TBP: variants seen among roughly 807,000 people sequenced by gnomAD.
TBP encodes TATA-box binding protein.
In TBP, 12 loss-of-function variants were observed where a neutral mutation model predicts 46.2. The ratio of observed to expected loss-of-function variants is 0.26; its 90% CI spans 0.17 to 0.42. TBP has a LOEUF of 0.42. Among genes scored for constraint, TBP ranks in the 10% least tolerant of loss-of-function variants. The probability of loss-of-function intolerance (pLI) is 1.00; values close to 1 mark genes in which losing one functional copy is unlikely to be tolerated. For missense variants in TBP, 229 were observed against 403.1 expected, an observed-to-expected ratio of 0.57 and a Z score of 3.70; for synonymous variants, 157 against 148.3, an observed-to-expected ratio of 1.06 and a Z score of -0.42.
chr6:170,564,655 T>TC, intron 4 of TBP, 23 bp downstream of exon 4: 1 of 1,535,914 alleles, frequency 6.5e-7, no homozygotes, highest in Non-Finnish European at 8.9e-7. Flanking sequence ...TTAATGTATT[T>TC]CTTTTTTTTT....
intron 5 of TBP, among the ~76,000 whole-genome samples, chr6:170,568,748 C>T (rs1334953956): frequency 7.7e-5 from 9 of 117,290 alleles, no homozygotes; most frequent in Non-Finnish European, 1.1e-4. Flanking sequence ...CCACCGTGCC[C>T]GACCTGCCTG....
chr6:170,572,717 A>G lies in TBP; in HGVS notation c.*452A>G, dbSNP rs906391144. 6.0e-6 allele frequency: 1 copy of G among 166,816 alleles called. No individual in the cohort carries two copies. The highest frequency in any genetic ancestry group is 2.4e-5 in the African/African-American group (1 of 41,580). The allele number at this position is 166,816 out of a possible 1,614,324, so 10.3% of individuals were successfully genotyped here. On this transcript the variant is annotated 3_prime_UTR_variant, in exon 8 of 8. Transcript: ENST00000392092. The stretch of plus-strand genomic sequence containing the variant: ...GTTGTTTTTCTAATTTATAACTCCT[A>G]GGGGTTATTTCTGTGCCAGACACAT...
intron 3 of TBP, 153 bp downstream of exon 3, chr6:170,562,386 G>A: frequency 1.2e-6 from 1 of 850,366 alleles, no homozygotes; most frequent in Non-Finnish European, 1.8e-6. Context: ...TTTGGGAAAG[G>A]GAAGCAAAGC....
intron 2 of TBP, among the ~76,000 whole-genome samples, chr6:170,557,735 C>CAAAAAAAAAAAAAAAAA (rs35269766): frequency 1.9e-5 from 1 of 52,002 alleles, no homozygotes; most frequent in Non-Finnish European, 3.5e-5. Context: ...GACTCTGTCT[C>CAAAAAAAAAAAAAAAAA]AAAAAAAAAA....
rs373205116 is a variant in TBP at position 170,571,522 on chromosome 6, G to A, written c.940+18G>A. ...ATTAACAGGTAAGTTGTAACAGGAA[G>A]TAGTATCTGAAAGTTTGTAAGTGTT... On this transcript the variant is annotated intron_variant, in intron 7 of 7. Coordinates refer to ENST00000392092, the MANE Select transcript of TBP (RefSeq NM_003194.5). 5.2e-5 allele frequency: 81 copies of A among 1,565,866 alleles called. No homozygotes were observed. The highest frequency in any genetic ancestry group is 1.0e-4 in the Admixed American group (6 of 59,782).
intron 6 of TBP, among the ~76,000 whole-genome samples, chr6:170,570,842 A>AC (rs1411768723): frequency 6.6e-6 from 1 of 152,144 alleles, no homozygotes; most frequent in East Asian, 1.9e-4. Flanking sequence ...CAAAAAAAAA[A>AC]AGAATATATA....
Position 170,561,865 on chromosome 6 carries a change from T to A in TBP, c.129T>A (p.Ile43=). Residue 43 remains isoleucine (I), a synonymous_variant, in exon 3 of 8, where the codon ATT becomes ATA. Transcript: ENST00000392092. ...GCACTGGACTGACCCCACAGCCTAT[T>A]CAGAACACCAATAGTCTGTCTATTT... ...PYGTGLTPQP[I]QNTNSLSILE... 1 of 1,614,008 alleles carries A rather than the reference T, an allele frequency of 6.2e-7. No individual in the cohort carries two copies. The highest frequency in any genetic ancestry group is 8.5e-7 in the Non-Finnish European group (1 of 1,180,024).
In TBP at chr6:170,562,498, T is replaced by G. The variant is rs531012112; in HGVS notation, c.497+265T>G. On this transcript the variant is annotated intron_variant, in intron 3 of 7. Coordinates refer to ENST00000392092, the MANE Select transcript of TBP (RefSeq NM_003194.5). ...CAATAAAATTTAATCTGACTTTCAC[T>G]GTCGTTATTATTATATTATAGACAT... 7.2e-5 allele frequency among the ~76,000 whole-genome samples: 11 copies of G among 152,354 alleles called. No homozygotes were observed. In the South Asian group the frequency reaches 2.3e-3, roughly 32 times the overall value.
intron 1 of TBP, among the ~76,000 whole-genome samples, chr6:170,555,393 G>A (rs964404673): frequency 6.6e-6 from 1 of 152,122 alleles, no homozygotes; most frequent in African/African-American, 2.4e-5. Context: ...TTCCATAACT[G>A]TTATTATTGC....
intron 2 of TBP, among the ~76,000 whole-genome samples, chr6:170,558,718 T>C (rs1243962096): frequency 6.6e-6 from 1 of 151,844 alleles, no homozygotes; most frequent in African/African-American, 2.4e-5. Flanking sequence ...AATTTTTTTT[T>C]TCAGTCACTC....
intron 2 of TBP, among the ~76,000 whole-genome samples, chr6:170,558,896 G>A (rs1278992116): frequency 6.6e-6 from 1 of 152,068 alleles, no homozygotes; most frequent in Non-Finnish European, 1.5e-5. Context: ...GTTTCACCAT[G>A]CTGGTGTCAA....
In TBP at chr6:170,563,702, A is replaced by G. The variant is rs1295457570; in HGVS notation, c.498-843A>G. ...AAACCTATTGTATTTGAACCTATGTATTTGAAATCTGGACTCGATATTCTT... is the reference window on the plus strand; with the variant it reads ...AAACCTATTGTATTTGAACCTATGTGTTTGAAATCTGGACTCGATATTCTT... On this transcript the variant is annotated intron_variant, in intron 3 of 7. Transcript: ENST00000392092. Among the ~76,000 whole-genome samples the G allele has an allele frequency of 3.9e-5, 6 of 152,354 alleles. No homozygotes were observed. The East Asian group carries it at 1.2e-3, about 29-fold the overall frequency.
chr6:170,556,279 G>T (rs183849030), intron 1 of TBP, among the ~76,000 whole-genome samples: 1 of 152,204 alleles, frequency 6.6e-6, no homozygotes, highest in East Asian at 1.9e-4. Flanking sequence ...AGAAAAGTCA[G>T]ATAACAGGCA....
intron 3 of TBP, among the ~76,000 whole-genome samples, chr6:170,563,980 T>C (rs1779196560): frequency 6.6e-6 from 1 of 152,168 alleles, no homozygotes. Context: ...CCCAGATGGC[T>C]CCATTTATCC....
Position 170,562,021 on chromosome 6 carries a change from G to GCAGCAGCA in TBP, c.285_286insCAGCAGCA (p.Ala96GlnfsTer51). The GCAGCAGCA allele has an allele frequency of 6.2e-7, 1 of 1,612,004 alleles. No individual in the cohort carries two copies. The highest frequency in any genetic ancestry group is 8.5e-7 in the Non-Finnish European group (1 of 1,179,532). ...AGCAGCAGCAGCAGCAGCAGCAACA[G>GCAGCAGCA]GCAGTGGCAGCTGCAGCCGTTCAGC... On this transcript the variant is annotated frameshift_variant, in exon 3 of 8. Coordinates refer to ENST00000392092, the MANE Select transcript of TBP (RefSeq NM_003194.5). LOFTEE classifies it high-confidence loss of function.
Position 170,571,111 on chromosome 6 carries a change from G to A in TBP, c.846-299G>A, listed in dbSNP as rs1779358513. 2.6e-5 allele frequency among the ~76,000 whole-genome samples: 4 copies of A among 152,150 alleles called. No homozygotes were observed. In the South Asian group the frequency reaches 8.3e-4, roughly 31 times the overall value. ...AGATATCATTATATCTAATGATATA[G>A]AGACTGCAGACATAACTACAGGGCT... On this transcript the variant is annotated intron_variant, in intron 6 of 7. Coordinates refer to ENST00000392092, the MANE Select transcript of TBP (RefSeq NM_003194.5).
At chr6:170,557,796 C>T (rs902757183) in intron 2 of TBP, among the ~76,000 whole-genome samples, 2 of 133,458 alleles carry the variant, frequency 1.5e-5, no homozygotes, top group African/African-American at 5.4e-5. Flanking sequence ...TACAAAAAAA[C>T]TCATTTTAAG....
intron 4 of TBP, among the ~76,000 whole-genome samples, chr6:170,566,538 TAAAAC>T (rs1779250430): frequency 2.7e-5 from 3 of 109,692 alleles, no homozygotes; most frequent in South Asian, 2.6e-4. Context: ...TTCATATTAA[TAAAAC>T]AAAATGTATC....
At chr6:170,571,361 A>T in intron 6 of TBP, 49 bp from the exon 7 acceptor site, 1 of 1,371,716 alleles carries the variant, frequency 7.3e-7, no homozygotes, top group Non-Finnish European at 1.0e-6. Flanking sequence ...TTTTATCTAA[A>T]AGCACACAAA....
Sources: gnomAD v4.1 joint callset for allele counts (sites outside exome capture counted in the v4.1 genomes callset) on GRCh38, gnomAD v4.1.1 for gene constraint, MANE v1.5 for transcripts, NCBI Gene and HGNC (gene_info 2026-07-23, HGNC 2026-07-21) for gene names.